EXOC6B: variants seen among roughly 807,000 people sequenced by gnomAD.
EXOC6B encodes exocyst complex component 6B, also known as SEC15 homolog B.
Under a neutral mutation model 113.5 loss-of-function variants are expected in EXOC6B, and 54 were observed. The ratio of observed to expected loss-of-function variants is 0.48; its 90% CI spans 0.38 to 0.60. The LOEUF is 0.60. Among genes scored for constraint, EXOC6B ranks in the 20% least tolerant of loss-of-function variants. The pLI is 0.00. For missense variants in EXOC6B, 797 were observed against 977.5 expected, an observed-to-expected ratio of 0.82 and a Z score of 2.46; for synonymous variants, 357 against 339.0, an observed-to-expected ratio of 1.05 and a Z score of -0.58.
intron 18 of EXOC6B, among the ~76,000 whole-genome samples, chr2:72,440,226 A>T (rs1696120606): frequency 6.6e-6 from 1 of 152,150 alleles, no homozygotes; most frequent in African/African-American, 2.4e-5. Context: ...GCTGGGGTCC[A>T]TTTCTGTGCC....
intron 1 of EXOC6B, among the ~76,000 whole-genome samples, chr2:72,799,465 G>A (rs1044763827): frequency 6.6e-6 from 1 of 150,884 alleles, no homozygotes; most frequent in South Asian, 2.1e-4. Flanking sequence ...AGCTACTCAG[G>A]AGGCTGAAGT....
intron 18 of EXOC6B, among the ~76,000 whole-genome samples, chr2:72,436,986 G>A (rs917972442): frequency 6.6e-6 from 1 of 152,122 alleles, no homozygotes; most frequent in Non-Finnish European, 1.5e-5. Context: ...GAGGCATTCT[G>A]ATTTTGGAAT....
At chr2:72,330,700 G>C (rs1688371972) in intron 20 of EXOC6B, among the ~76,000 whole-genome samples, 1 of 151,964 alleles carries the variant, frequency 6.6e-6, no homozygotes, top group South Asian at 2.1e-4. Context: ...ATGTCTTATA[G>C]CTCAACTAGA....
At chr2:72,739,982 C>T (rs1021224691) in intron 2 of EXOC6B, among the ~76,000 whole-genome samples, 3 of 151,954 alleles carry the variant, frequency 2.0e-5, no homozygotes, top group Non-Finnish European at 4.4e-5. Flanking sequence ...CATAATACCC[C>T]CACCCAATGG....
chr2:72,179,300 G>A lies in EXOC6B; in HGVS notation c.*35C>T, dbSNP rs1378205928. On this transcript the variant is annotated 3_prime_UTR_variant, in exon 22 of 22. Coordinates refer to ENST00000272427, the MANE Select transcript of EXOC6B (RefSeq NM_015189.3). ...TGGACCCCAGACTGACACAGAGGCT[G>A]CAGCAGGTCGCCTCTGTGGGTCCGG... The A allele has an allele frequency of 6.4e-7, 1 of 1,550,436 alleles. No homozygotes were observed. Among genetic ancestry groups the A allele is most frequent in the African/African-American group, 1.4e-5 (1 of 73,624 alleles).
chr2:72,769,356 T>C (rs192017740), intron 1 of EXOC6B, among the ~76,000 whole-genome samples: 2 of 152,242 alleles, frequency 1.3e-5, no homozygotes, highest in East Asian at 3.9e-4. Context: ...CAAAATTACA[T>C]GTAAAATTAA....
intron 19 of EXOC6B, among the ~76,000 whole-genome samples, chr2:72,354,554 C>T (rs1689861268): frequency 6.6e-6 from 1 of 152,166 alleles, no homozygotes; most frequent in Non-Finnish European, 1.5e-5. Flanking sequence ...ATCAAATGAC[C>T]AGGTATCTGG....
At chr2:72,255,909 T>C (rs1156948031) in intron 20 of EXOC6B, among the ~76,000 whole-genome samples, 1 of 152,190 alleles carries the variant, frequency 6.6e-6, no homozygotes. Context: ...TACATTTGGT[T>C]GGATGGTGAT....
At chr2:72,404,921 G>A (rs545869002) in intron 18 of EXOC6B, among the ~76,000 whole-genome samples, 1 of 152,100 alleles carries the variant, frequency 6.6e-6, no homozygotes, top group East Asian at 1.9e-4. Flanking sequence ...AGCTAAAGGA[G>A]GAAGTTTCAA....
At chr2:72,338,989 T>C (rs956809601) in intron 19 of EXOC6B, among the ~76,000 whole-genome samples, 1 of 141,870 alleles carries the variant, frequency 7.0e-6, no homozygotes, top group Non-Finnish European at 1.5e-5. Context: ...ATACACATTA[T>C]GTAGTGAAGC....
intron 20 of EXOC6B, among the ~76,000 whole-genome samples, chr2:72,191,972 C>A (rs961029857): frequency 6.6e-6 from 1 of 152,128 alleles, no homozygotes; most frequent in Non-Finnish European, 1.5e-5. Flanking sequence ...CCCAAAAAAA[C>A]TCAGAAAATA....
At chr2:72,799,503 G>A (rs1038140997) in intron 1 of EXOC6B, among the ~76,000 whole-genome samples, 26 of 150,434 alleles carry the variant, frequency 1.7e-4, no homozygotes, top group Admixed American at 1.2e-3. Flanking sequence ...CCAGGAGGCC[G>A]AAGCTGCAGT....
chr2:72,697,362 C>T (rs1677969464), intron 6 of EXOC6B, among the ~76,000 whole-genome samples: 1 of 151,862 alleles, frequency 6.6e-6, no homozygotes, highest in Non-Finnish European at 1.5e-5. Context: ...AGCTGCCATG[C>T]ACTAGGTCAT....
intron 20 of EXOC6B, among the ~76,000 whole-genome samples, chr2:72,274,050 G>C (rs548198029): frequency 4.0e-4 from 61 of 152,116 alleles, no homozygotes; most frequent in Non-Finnish European, 8.4e-4. Context: ...ATGAGGGAAG[G>C]CTTCACAGGA....
chr2:72,316,085 G>A (rs1687494993), intron 20 of EXOC6B, among the ~76,000 whole-genome samples: 1 of 152,096 alleles, frequency 6.6e-6, no homozygotes, highest in East Asian at 1.9e-4. Context: ...AGTTAAGTAG[G>A]CTATATATGT....
At chr2:72,467,181 T>A (rs1022882615) in intron 17 of EXOC6B, among the ~76,000 whole-genome samples, 1 of 152,254 alleles carries the variant, frequency 6.6e-6, no homozygotes, top group Admixed American at 6.5e-5. Context: ...TTTGTAAGAC[T>A]GTATAGTATT....
intron 1 of EXOC6B, among the ~76,000 whole-genome samples, chr2:72,762,933 T>C (rs894111511): frequency 6.6e-6 from 1 of 152,144 alleles, no homozygotes; most frequent in Non-Finnish European, 1.5e-5. Context: ...TTTTAAGGAT[T>C]GTATGTTATA....
intron 8 of EXOC6B, among the ~76,000 whole-genome samples, chr2:72,529,109 C>T (rs539616964): frequency 2.0e-5 from 3 of 152,130 alleles, no homozygotes; most frequent in Admixed American, 1.3e-4. Context: ...AGAGCAGATA[C>T]TTTTGCTTTG....
intron 6 of EXOC6B, among the ~76,000 whole-genome samples, chr2:72,658,893 T>C (rs568852653): frequency 1.3e-5 from 2 of 152,204 alleles, no homozygotes; most frequent in East Asian, 1.9e-4. Context: ...TGATAAAAAT[T>C]ATACAAACCA....
Sources: allele counts gnomAD v4.1 joint callset (sites outside exome capture counted in the v4.1 genomes callset), GRCh38; gene constraint gnomAD v4.1.1; transcripts MANE v1.5; gene names NCBI Gene and HGNC (gene_info 2026-07-23, HGNC 2026-07-21).